The following GPR160 variants were observed in gnomAD, a reference collection of about 807,000 sequenced individuals.
GPR160 encodes G protein-coupled receptor 160.
A neutral mutation model predicts 2.6 loss-of-function variants in GPR160; 2 were observed. The observed-to-expected ratio is 0.77, with a 90% CI of 0.32 to 2.44. The LOEUF (loss-of-function observed/expected upper bound fraction) is 2.44. Among genes scored for constraint, GPR160 ranks in the 30% most tolerant of loss-of-function variants. GPR160 has a pLI of 0.11. For missense variants in GPR160, 351 were observed against 383.6 expected, an observed-to-expected ratio of 0.91 and a Z score of 0.71; for synonymous variants, 130 against 132.2, an observed-to-expected ratio of 0.98 and a Z score of 0.12.
intron 2 of GPR160, among the ~76,000 whole-genome samples, chr3:170,066,250 C>T (rs1171171635): frequency 6.8e-6 from 1 of 146,314 alleles, no homozygotes; most frequent in African/African-American, 2.6e-5. Flanking sequence ...ACGCCATTCT[C>T]CTGCCTCAGC....
Position 170,084,988 on chromosome 3 carries a change from AAT to A in GPR160, c.*2_*3del. ...AAGCCTATATCAATAATGATTTGTT[AAT>A]ATTATTAATTAAAAGTTACAGCTGT... On this transcript the variant is annotated stop_retained_variant and 3_prime_UTR_variant, in exon 4 of 4. Transcript: ENST00000355897. 1 of 1,374,160 alleles carries A rather than the reference AAT, an allele frequency of 7.3e-7. No homozygotes were observed. Among genetic ancestry groups the A allele is most frequent in the Non-Finnish European group, 9.9e-7 (1 of 1,007,898 alleles). 85.1% of individuals were successfully genotyped at this position (1,374,160 alleles called of 1,614,324 possible).
intron 2 of GPR160, among the ~76,000 whole-genome samples, chr3:170,040,185 T>C (rs1037515852): frequency 2.6e-5 from 4 of 152,128 alleles, no homozygotes; most frequent in African/African-American, 9.7e-5. Flanking sequence ...GAACTTAAAG[T>C]AAAACAAAAA....
At position 170,038,065 on chromosome 3, in the gene GPR160, C is replaced by T. The variant is rs1430684697; in HGVS notation, c.-472C>T. The T allele has an allele frequency of 2.0e-5, 3 of 152,846 alleles. No individual in the cohort carries two copies. Among genetic ancestry groups the T allele is most frequent in the Non-Finnish European group, 4.4e-5 (3 of 68,070 alleles). 9.5% of individuals were successfully genotyped at this position (152,846 alleles called of 1,614,324 possible). ...GGGGTCCCGGGGCCGTGCTCCCCTG[C>T]CCCTCCCGGGAGCGCGCGGGGCGGG... On this transcript the variant is annotated 5_prime_UTR_variant, in exon 1 of 4. Coordinates refer to ENST00000355897, the MANE Select transcript of GPR160 (RefSeq NM_014373.3). The surrounding 1 kb of genome is among the most constrained non-coding windows in gnomAD (Gnocchi z 5.3).
chr3:170,059,025 GCACAAA>G (rs921098106), intron 2 of GPR160, among the ~76,000 whole-genome samples: 6 of 115,460 alleles, frequency 5.2e-5, no homozygotes, highest in African/African-American at 2.1e-4. Context: ...ACACACACAT[GCACAAA>G]CACACACACA....
intron 2 of GPR160, among the ~76,000 whole-genome samples, chr3:170,076,333 CATT>C (rs1315728200): frequency 6.6e-6 from 1 of 151,982 alleles, no homozygotes; most frequent in Non-Finnish European, 1.5e-5. Context: ...GAATGCAAAA[CATT>C]ATCAGAGTTG....
At chr3:170,066,325 A>G (rs936297945) in intron 2 of GPR160, among the ~76,000 whole-genome samples, 10 of 151,592 alleles carry the variant, frequency 6.6e-5, no homozygotes, top group Non-Finnish European at 2.9e-5. Flanking sequence ...TATTTTTAGT[A>G]GAGACGGGTT....
intron 3 of GPR160, among the ~76,000 whole-genome samples, chr3:170,082,924 T>C (rs1209491723): frequency 6.6e-6 from 1 of 151,894 alleles, no homozygotes; most frequent in African/African-American, 2.4e-5. Flanking sequence ...CAATCTCCAG[T>C]TGTTCACATT....
intron 2 of GPR160, among the ~76,000 whole-genome samples, chr3:170,072,599 A>G (rs906582199): frequency 3.3e-5 from 5 of 152,160 alleles, no homozygotes. Context: ...GCTTCCAGTC[A>G]TGGTGGAAGG....
chr3:170,077,254 T>C (rs751645590), intron 2 of GPR160: 1 of 152,238 alleles, frequency 6.6e-6, no homozygotes, highest in Non-Finnish European at 1.5e-5. Flanking sequence ...ATGGTTTTTT[T>C]AAACTTTTCT....
In GPR160 at chr3:170,042,688, A is replaced by G. The variant is rs527333578; in HGVS notation, c.-193+3645A>G. Among the ~76,000 whole-genome samples the G allele has an allele frequency of 3.0e-4, 45 of 149,004 alleles. No individual in the cohort carries two copies. The South Asian group carries it at 4.4e-3, about 15-fold the overall frequency. Reference sequence around the variant, plus strand: ...TACAAAAAAAAAAAATAAATAAATAATAATAATAATAATAAAATTGGCCAG... The same window carrying G: ...TACAAAAAAAAAAAATAAATAAATAGTAATAATAATAATAAAATTGGCCAG... On this transcript the variant is annotated intron_variant, in intron 2 of 3. Transcript: ENST00000355897.
At chr3:170,080,654 G>C (rs902418433) in intron 3 of GPR160, among the ~76,000 whole-genome samples, 4 of 152,188 alleles carry the variant, frequency 2.6e-5, no homozygotes, top group East Asian at 3.9e-4. Context: ...CACCTGTCAA[G>C]AGTCAATGAT....
chr3:170,083,138 G>A (rs1713222415), intron 3 of GPR160, among the ~76,000 whole-genome samples: 1 of 151,430 alleles, frequency 6.6e-6, no homozygotes, highest in Non-Finnish European at 1.5e-5. Context: ...TTCTTCTTCT[G>A]ACTTCTTTCA....
intron 2 of GPR160, among the ~76,000 whole-genome samples, chr3:170,061,182 G>A (rs1711930605): frequency 6.6e-6 from 1 of 151,930 alleles, no homozygotes; most frequent in Non-Finnish European, 1.5e-5. Flanking sequence ...GGCTGAGGCA[G>A]GAGAATCGCT....
intron 2 of GPR160, among the ~76,000 whole-genome samples, chr3:170,059,483 A>C (rs1415431275): frequency 1.3e-5 from 2 of 152,228 alleles, no homozygotes; most frequent in Non-Finnish European, 2.9e-5. Flanking sequence ...TAACTCTGAA[A>C]CTGCTTAATA....
At chr3:170,080,299 G>C (rs2241294) in intron 3 of GPR160, among the ~76,000 whole-genome samples, 47,658 of 152,010 alleles carry the variant, frequency 0.31, 7,510 homozygotes, top group East Asian at 0.48. Flanking sequence ...TAAAATTGGT[G>C]TCGTCTAAGA....
At chr3:170,056,178 C>T (rs572418036) in intron 2 of GPR160, among the ~76,000 whole-genome samples, 1 of 152,144 alleles carries the variant, frequency 6.6e-6, no homozygotes, top group Non-Finnish European at 1.5e-5. Flanking sequence ...TATTACTTAT[C>T]TGTTCCCACC....
chr3:170,081,447 A>T (rs1713122714), intron 3 of GPR160, among the ~76,000 whole-genome samples: 1 of 152,288 alleles, frequency 6.6e-6, no homozygotes, highest in South Asian at 2.1e-4. Context: ...ATTTTGTATT[A>T]TTGCCTTTAC....
chr3:170,059,704 G>A (rs1399814220), intron 2 of GPR160, among the ~76,000 whole-genome samples: 1 of 152,040 alleles, frequency 6.6e-6, no homozygotes, highest in Non-Finnish European at 1.5e-5. Flanking sequence ...TTTAAGTTCA[G>A]GGGTACATGT....
At chr3:170,059,326 A>G (rs911862478) in intron 2 of GPR160, among the ~76,000 whole-genome samples, 2 of 152,262 alleles carry the variant, frequency 1.3e-5, no homozygotes, top group Non-Finnish European at 2.9e-5. Context: ...AATTGATTAC[A>G]TAAATACAAA....
Sources: allele counts gnomAD v4.1 joint callset (sites outside exome capture counted in the v4.1 genomes callset), GRCh38; gene constraint gnomAD v4.1.1; non-coding constraint Gnocchi (gnomAD v3.1); transcripts MANE v1.5; gene names NCBI Gene and HGNC (gene_info 2026-07-23, HGNC 2026-07-21).